The following CNBD1 variants were observed in gnomAD, a reference collection of about 807,000 sequenced individuals.
CNBD1 encodes the protein cyclic nucleotide binding domain containing 1, also known as cyclic nucleotide-binding domain-containing protein 1.
In CNBD1, 71 loss-of-function variants were observed where a neutral mutation model predicts 54.4. The ratio of observed to expected loss-of-function variants is 1.30; its 90% CI spans 1.08 to 1.59. CNBD1 has a LOEUF of 1.59. CNBD1 is among the 40% of genes most tolerant of loss of function. The pLI, the probability that CNBD1 is intolerant of heterozygous loss-of-function variation, is 0.00. For synonymous variants in CNBD1, 182 were observed against 170.7 expected, an observed-to-expected ratio of 1.07 and a Z score of -0.51; for missense variants, 659 against 518.0, an observed-to-expected ratio of 1.27 and a Z score of -2.64.
intron 4 of CNBD1, among the ~76,000 whole-genome samples, chr8:87,169,846 T>C (rs1271568706): frequency 6.6e-6 from 1 of 152,136 alleles, no homozygotes; most frequent in African/African-American, 2.4e-5. Context: ...ATGTGATTCT[T>C]CCAGTTTTGT....
chr8:87,078,720 G>T (rs1228121791), intron 4 of CNBD1, among the ~76,000 whole-genome samples: 3 of 152,118 alleles, frequency 2.0e-5, no homozygotes, highest in African/African-American at 4.8e-5. Context: ...AAATTAGGGA[G>T]ATTTTAGTAT....
intron 8 of CNBD1, among the ~76,000 whole-genome samples, chr8:87,328,779 TA>T (rs1809748878): frequency 6.6e-6 from 1 of 152,282 alleles, no homozygotes; most frequent in East Asian, 1.9e-4. Flanking sequence ...TTTAATTTTT[TA>T]ACAATGTTTT....
chr8:87,120,916 G>A (rs950745837), intron 4 of CNBD1, among the ~76,000 whole-genome samples: 1 of 151,876 alleles, frequency 6.6e-6, no homozygotes, highest in Non-Finnish European at 1.5e-5. Context: ...TTTGTGCTGG[G>A]CACATACATC....
intron 4 of CNBD1, among the ~76,000 whole-genome samples, chr8:87,068,301 A>C (rs1285774648): frequency 6.6e-6 from 1 of 152,040 alleles, no homozygotes; most frequent in Non-Finnish European, 1.5e-5. Flanking sequence ...ATCTAATAAA[A>C]TTTTAGGTAA....
chr8:87,167,438 G>C (rs959410814), intron 4 of CNBD1, among the ~76,000 whole-genome samples: 3 of 151,702 alleles, frequency 2.0e-5, no homozygotes, highest in African/African-American at 7.3e-5. Flanking sequence ...TCAGTGTATA[G>C]AACACTAGAA....
intron 2 of CNBD1, among the ~76,000 whole-genome samples, chr8:86,900,771 T>G (rs1808920238): frequency 6.6e-6 from 1 of 152,276 alleles, no homozygotes; most frequent in Admixed American, 6.5e-5. Flanking sequence ...TAGGGAGAAC[T>G]TAAGTTAGTT....
intron 4 of CNBD1, among the ~76,000 whole-genome samples, chr8:87,110,905 G>A (rs1401840317): frequency 1.3e-5 from 2 of 152,180 alleles, no homozygotes; most frequent in African/African-American, 4.8e-5. Flanking sequence ...CAGAGATTAT[G>A]GGAATGCATT....
intron 2 of CNBD1, among the ~76,000 whole-genome samples, chr8:87,393,050 G>T (rs1036287342): frequency 6.6e-6 from 1 of 151,846 alleles, no homozygotes. Flanking sequence ...GACTCCTAAG[G>T]CTTAGGACAG....
intron 4 of CNBD1, among the ~76,000 whole-genome samples, chr8:87,204,285 T>C (rs949674277): frequency 6.6e-5 from 10 of 152,206 alleles, no homozygotes; most frequent in African/African-American, 2.4e-4. Flanking sequence ...TGTTTTTAAG[T>C]TGTTTCTAAT....
chr8:86,939,568 G>T, intron 3 of CNBD1, 28 bp from the exon 4 acceptor site: 1 of 1,526,384 alleles, frequency 6.6e-7, no homozygotes, highest in East Asian at 2.3e-5. Flanking sequence ...GTATACAACA[G>T]CATAAAATAC....
At chr8:87,265,916 AAC>A in intron 6 of CNBD1, among the ~76,000 whole-genome samples, 1 of 152,162 alleles carries the variant, frequency 6.6e-6, no homozygotes, top group East Asian at 1.9e-4. Context: ...TTGGCAATAA[AAC>A]AAAAAATTCC....
chr8:87,063,639 G>T (rs202105414), intron 4 of CNBD1, among the ~76,000 whole-genome samples: 2 of 152,092 alleles, frequency 1.3e-5, no homozygotes, highest in South Asian at 2.1e-4. Flanking sequence ...AGAATAAGAT[G>T]ATTTTGAGGG....
intron 8 of CNBD1, among the ~76,000 whole-genome samples, chr8:87,293,747 CAT>C (rs2077919852): frequency 6.6e-6 from 1 of 152,088 alleles, no homozygotes; most frequent in African/African-American, 2.4e-5. Flanking sequence ...TATTATCTAA[CAT>C]AATAAATATC....
intron 8 of CNBD1, among the ~76,000 whole-genome samples, chr8:87,348,746 G>A (rs1335931467): frequency 2.6e-5 from 4 of 152,124 alleles, no homozygotes; most frequent in African/African-American, 7.2e-5. Context: ...CTATCCCAGT[G>A]CTGATGCTAA....
chr8:87,220,392 T>C (rs1814305344), intron 5 of CNBD1, among the ~76,000 whole-genome samples: 2 of 152,010 alleles, frequency 1.3e-5, no homozygotes, highest in African/African-American at 4.8e-5. Flanking sequence ...AAGACCAGCA[T>C]CTGACAAAGG....
In CNBD1 at chr8:87,266,078, A is replaced by T. The variant is rs967004381; in HGVS notation, c.772-18600A>T. ...ACATTATACATTTTCTTTGAAAGAT[A>T]TCACAGAAGGGTTCAATATAGCTAA... On this transcript the variant is annotated intron_variant, in intron 6 of 10. Coordinates refer to ENST00000518476, the MANE Select transcript of CNBD1 (RefSeq NM_173538.3). Among the ~76,000 whole-genome samples, 2 of 152,096 alleles carry T rather than the reference A, an allele frequency of 1.3e-5. 1 individual carries two copies. Among genetic ancestry groups the T allele is most frequent in the South Asian group, 4.1e-4 (2 of 4,832 alleles).
At chr8:87,067,542 T>C (rs913055013) in intron 4 of CNBD1, among the ~76,000 whole-genome samples, 1 of 151,996 alleles carries the variant, frequency 6.6e-6, no homozygotes, top group Non-Finnish European at 1.5e-5. Context: ...TTGAAAACTT[T>C]TTAATGAACC....
chr8:87,295,969 T>C (rs1353683024), intron 8 of CNBD1, among the ~76,000 whole-genome samples: 1 of 152,136 alleles, frequency 6.6e-6, no homozygotes, highest in East Asian at 1.9e-4. Context: ...ATGCGAACTC[T>C]TATGTTTCGC....
intron 5 of CNBD1, among the ~76,000 whole-genome samples, chr8:87,212,593 A>G (rs905928006): frequency 6.6e-6 from 1 of 152,310 alleles, no homozygotes; most frequent in East Asian, 1.9e-4. Flanking sequence ...TACTAAGACA[A>G]TTCAGTGGTG....
Sources: gnomAD v4.1 joint callset for allele counts (sites outside exome capture counted in the v4.1 genomes callset) on GRCh38, gnomAD v4.1.1 for gene constraint, MANE v1.5 for transcripts, NCBI Gene and HGNC (gene_info 2026-07-23, HGNC 2026-07-21) for gene names.